Variants in LINGO2 observed in about 807,000 individuals in gnomAD.
LINGO2 encodes leucine-rich repeat and immunoglobulin-like domain-containing nogo receptor-interacting protein 2.
A neutral mutation model predicts 30.6 loss-of-function variants in LINGO2; 14 were observed. That is an observed-to-expected ratio of 0.46 (90% CI 0.30 to 0.72). The LOEUF (loss-of-function observed/expected upper bound fraction) is 0.72. LINGO2 is among the 30% of genes least tolerant of loss of function. The probability of loss-of-function intolerance (pLI) is 0.07; values close to 1 mark genes in which losing one functional copy is unlikely to be tolerated. For synonymous variants in LINGO2, 317 were observed against 288.5 expected (o/e 1.10, Z -1.00); for missense variants, 729 against 751.7 (o/e 0.97, Z 0.35).
intron 1 of LINGO2, among the ~76,000 whole-genome samples, chr9:28,632,412 C>A (rs997587899): frequency 1.3e-5 from 2 of 151,356 alleles, no homozygotes; most frequent in African/African-American, 4.9e-5. Flanking sequence ...CTCACACTAT[C>A]CAGATGAGAG....
At chr9:28,785,656 TTC>T in the LINGO2 span, among the ~76,000 whole-genome samples, 1 of 59,770 alleles carries the variant, frequency 1.7e-5, no homozygotes, top group Non-Finnish European at 2.9e-5. Context: ...CCCAGGGCCC[TTC>T]TCTCTCTCTC....
chr9:29,119,363 G>GCACACACACA, the LINGO2 span, among the ~76,000 whole-genome samples: 91 of 151,270 alleles, frequency 6.0e-4, no homozygotes, highest in Middle Eastern at 3.4e-3. Context: ...GCACGTGTGC[G>GCACACACACA]CGCACACACA....
chr9:29,112,252 A>G, the LINGO2 span, among the ~76,000 whole-genome samples: 1 of 152,138 alleles, frequency 6.6e-6, no homozygotes, highest in Non-Finnish European at 1.5e-5. Flanking sequence ...TCAAGGGTTC[A>G]TCAAAGTGTG....
the LINGO2 span, among the ~76,000 whole-genome samples, chr9:29,105,427 A>G: frequency 6.6e-6 from 1 of 152,202 alleles, no homozygotes; most frequent in Non-Finnish European, 1.5e-5. Context: ...CTTTATCTAT[A>G]TGCAATTAAA....
upstream of LINGO2, among the ~76,000 whole-genome samples, chr9:28,672,114 G>C (rs1829041906): frequency 6.6e-6 from 1 of 152,042 alleles, no homozygotes. Flanking sequence ...GAAATCAGAA[G>C]CTACACTTCC....
intron 4 of LINGO2, among the ~76,000 whole-genome samples, chr9:28,132,780 T>C (rs1335452317): frequency 1.3e-5 from 2 of 152,194 alleles, no homozygotes; most frequent in Non-Finnish European, 2.9e-5. Flanking sequence ...CCCAGAGCAT[T>C]TTATGCTCTT....
the LINGO2 span, among the ~76,000 whole-genome samples, chr9:28,814,292 C>T: frequency 6.6e-6 from 1 of 152,084 alleles, no homozygotes; most frequent in Non-Finnish European, 1.5e-5. Context: ...CAAAAATTAG[C>T]TGGGTGTGGT....
At chr9:29,188,164 G>T in the LINGO2 span, among the ~76,000 whole-genome samples, 11 of 151,100 alleles carry the variant, frequency 7.3e-5, no homozygotes, top group Middle Eastern at 3.4e-3. Context: ...AGGACCCTGC[G>T]GCCTTCCGCA....
the LINGO2 span, among the ~76,000 whole-genome samples, chr9:28,792,375 G>C: frequency 6.6e-6 from 1 of 151,954 alleles, no homozygotes; most frequent in Non-Finnish European, 1.5e-5. Flanking sequence ...ATCAGCAAAG[G>C]ATTTAAAGAC....
chr9:28,041,345 T>A (rs977167359), intron 4 of LINGO2, among the ~76,000 whole-genome samples: 6 of 152,184 alleles, frequency 3.9e-5, no homozygotes, highest in Non-Finnish European at 8.8e-5. Context: ...CTGGCTGTTG[T>A]CTTAATGTTC....
chr9:28,531,439 C>A (rs1821233960), intron 1 of LINGO2, among the ~76,000 whole-genome samples: 1 of 152,044 alleles, frequency 6.6e-6, no homozygotes, highest in East Asian at 1.9e-4. Flanking sequence ...CACCAGTATC[C>A]CTTTTTTCTA....
the LINGO2 span, among the ~76,000 whole-genome samples, chr9:28,699,930 G>T: frequency 3.3e-5 from 5 of 151,982 alleles, no homozygotes; most frequent in South Asian, 1.0e-3. Context: ...TTTCTGTTAA[G>T]ATATTTATCA....
the LINGO2 span, among the ~76,000 whole-genome samples, chr9:29,102,494 C>T: frequency 6.6e-6 from 1 of 152,134 alleles, no homozygotes; most frequent in African/African-American, 2.4e-5. Flanking sequence ...TGTATTTTTT[C>T]ACTTGTCAAG....
chr9:28,803,014 A>G, the LINGO2 span, among the ~76,000 whole-genome samples: 21 of 152,202 alleles, frequency 1.4e-4, no homozygotes, highest in Non-Finnish European at 2.9e-5. Context: ...AACTTTGAAA[A>G]TCAAGACTCT....
the LINGO2 span, among the ~76,000 whole-genome samples, chr9:29,184,308 T>TAAA: frequency 6.9e-6 from 1 of 144,652 alleles, no homozygotes; most frequent in African/African-American, 2.5e-5. Flanking sequence ...TTTTAAAAAC[T>TAAA]AAAAAAAAAA....
intron 1 of LINGO2, among the ~76,000 whole-genome samples, chr9:28,547,993 G>T (rs1193032154): frequency 1.3e-5 from 2 of 152,018 alleles, no homozygotes; most frequent in Non-Finnish European, 1.5e-5. Context: ...ATGCCCAAAA[G>T]AAAATTTATT....
intron 1 of LINGO2, among the ~76,000 whole-genome samples, chr9:28,657,716 G>C (rs186160517): frequency 6.6e-6 from 1 of 151,878 alleles, no homozygotes; most frequent in Non-Finnish European, 1.5e-5. Context: ...TGGTTTTGTT[G>C]AATTTCTCTA....
At chr9:28,434,895 T>C (rs992678928) in intron 2 of LINGO2, among the ~76,000 whole-genome samples, 2 of 152,156 alleles carry the variant, frequency 1.3e-5, no homozygotes, top group African/African-American at 4.8e-5. Flanking sequence ...GAAACACTGA[T>C]ATAACCCATG....
chr9:28,076,308 C>T (rs1377167781), intron 4 of LINGO2, among the ~76,000 whole-genome samples: 3 of 152,034 alleles, frequency 2.0e-5, no homozygotes, highest in South Asian at 2.1e-4. Context: ...ACACTAGCTC[C>T]ATTCTGTTAA....
Sources: allele counts gnomAD v4.1 joint callset (sites outside exome capture counted in the v4.1 genomes callset), GRCh38; gene constraint gnomAD v4.1.1; transcripts MANE v1.5; gene names NCBI Gene and HGNC (gene_info 2026-07-23, HGNC 2026-07-21).